NEDD9: variants seen among roughly 807,000 people sequenced by gnomAD.
The protein encoded by NEDD9 is enhancer of filamentation 1.
NEDD9 carries 26 observed loss-of-function variants against 76.6 expected under a neutral mutation model. The ratio of observed to expected loss-of-function variants is 0.34; its 90% confidence interval spans 0.25 to 0.47. NEDD9 has a LOEUF of 0.47. NEDD9 is among the 20% of genes least tolerant of loss of function. NEDD9 has a pLI of 1.00. For synonymous variants in NEDD9, 392 were observed against 414.2 expected (o/e 0.95, Z 0.65); for missense variants, 937 against 1,058.5 (o/e 0.89, Z 1.59).
In NEDD9 at chr6:11,190,150, G is replaced by A; in HGVS notation, c.1719C>T (p.Ile573=). 4 of 1,614,108 alleles carry A rather than the reference G, an allele frequency of 2.5e-6. No individual in the cohort carries two copies. The highest frequency in any genetic ancestry group is 3.4e-6 in the Non-Finnish European group (4 of 1,180,012). The change falls in exon 5 of 7, where the codon ATC becomes ATT. Residue 573 remains isoleucine (I), a synonymous_variant. Transcript: ENST00000379446. This position sits in a 1 kb window ranked among gnomAD's most constrained non-coding sequence, Gnocchi z 5.8. ...CGTGTGGGTACTCCGTTGAGTTCATGATGCTCTCCGGCCCATTCTTCAGAT... is the reference window on the plus strand; with the variant it reads ...CGTGTGGGTACTCCGTTGAGTTCATAATGCTCTCCGGCCCATTCTTCAGAT... The part of the protein sequence containing the change: ...SLHLKNGPES[I]MNSTEYPHGG...
At chr6:11,348,954 C>A (rs1762412720) in intron 1 of NEDD9, among the ~76,000 whole-genome samples, 1 of 152,104 alleles carries the variant, frequency 6.6e-6, no homozygotes, top group Non-Finnish European at 1.5e-5. Flanking sequence ...AGCTTCTGCA[C>A]AGCAAAAGAA....
intron 3 of NEDD9, among the ~76,000 whole-genome samples, chr6:11,264,199 G>A (rs1474582992): frequency 6.6e-6 from 1 of 152,238 alleles, no homozygotes; most frequent in Non-Finnish European, 1.5e-5. Context: ...AATGCAGATT[G>A]AGCCCAGGGG....
At chr6:11,233,204 G>C (rs1759533076), upstream of NEDD9, 2 of 518,736 alleles carry the variant, frequency 3.9e-6, no homozygotes, top group South Asian at 2.8e-5. Context: ...GTGTGTGTGT[G>C]ACTGTTTGCT....
chr6:11,284,249 T>C (rs1228700141), intron 3 of NEDD9, among the ~76,000 whole-genome samples: 1 of 152,014 alleles, frequency 6.6e-6, no homozygotes, highest in Non-Finnish European at 1.5e-5. Context: ...GGGTCAGGCC[T>C]TTTAAGAGCA....
In NEDD9 at chr6:11,213,302, A is replaced by C. The variant is rs781399856; in HGVS notation, c.438T>G (p.Ser146Arg). 26 of 1,606,768 alleles carry C rather than the reference A, an allele frequency of 1.6e-5. No homozygotes were observed. The highest frequency in any genetic ancestry group is 2.2e-5 in the Non-Finnish European group (26 of 1,174,126). ...TCACCTTTTTACCCACGTGGGGCCC[A>C]CTGGTTCCCCCAATGCTTCTCTGCA... ...PSVQRSIGGT[S>R]GPHVGKKVIT... Residue 146 changes from serine to arginine, a missense_variant, in exon 2 of 7, where the codon AGT becomes AGG. Coordinates refer to ENST00000379446, the MANE Select transcript of NEDD9 (RefSeq NM_006403.4). This position sits in a 1 kb window ranked among gnomAD's most constrained non-coding sequence, Gnocchi z 5.4.
chr6:11,189,471 G>A (rs540671188), intron 5 of NEDD9, among the ~76,000 whole-genome samples: 1 of 152,342 alleles, frequency 6.6e-6, no homozygotes, highest in South Asian at 2.1e-4. Context: ...ACAGAGTAGG[G>A]CTAGCAGGGG....
At chr6:11,308,233 T>C (rs935752648) in intron 2 of NEDD9, among the ~76,000 whole-genome samples, 1 of 152,024 alleles carries the variant, frequency 6.6e-6, no homozygotes. Flanking sequence ...TGGCTGGGTC[T>C]AGGGGTGGCT....
At chr6:11,279,609 G>C (rs1007988152) in intron 3 of NEDD9, among the ~76,000 whole-genome samples, 10 of 152,112 alleles carry the variant, frequency 6.6e-5, no homozygotes, top group Non-Finnish European at 1.5e-4. Flanking sequence ...GTTTCTCGTG[G>C]CTGGTCTTCT....
At chr6:11,332,594 T>A (rs962536315) in intron 2 of NEDD9, among the ~76,000 whole-genome samples, 1 of 152,208 alleles carries the variant, frequency 6.6e-6, no homozygotes, top group East Asian at 1.9e-4. Flanking sequence ...GCTCTTGAAT[T>A]AGATGCTCCT....
chr6:11,209,970 C>CTTTTGTTTTTTTTTTTT (rs1554125208), intron 2 of NEDD9, among the ~76,000 whole-genome samples: 1 of 131,072 alleles, frequency 7.6e-6, no homozygotes, highest in Non-Finnish European at 1.6e-5. Context: ...AATTCACTGT[C>CTTTTGTTTTTTTTTTTT]TTTTTTTTTT....
chr6:11,326,645 A>G (rs1761935522), intron 2 of NEDD9, among the ~76,000 whole-genome samples: 1 of 152,210 alleles, frequency 6.6e-6, no homozygotes, highest in Non-Finnish European at 1.5e-5. Flanking sequence ...TTTTTAAATC[A>G]TAAAAATTCA....
At chr6:11,267,383 GA>G (rs532016064) in intron 3 of NEDD9, among the ~76,000 whole-genome samples, 20,808 of 126,322 alleles carry the variant, frequency 0.16, 1,722 homozygotes, top group African/African-American at 0.27. Flanking sequence ...AGATGTCTTT[GA>G]AAAAAAAAAA....
chr6:11,331,323 T>G lies in NEDD9; in HGVS notation c.-153+3178A>C, dbSNP rs557291235. Among the ~76,000 whole-genome samples, 13 of 143,452 alleles carry G rather than the reference T, an allele frequency of 9.1e-5. No homozygotes were observed. The South Asian group carries it at 2.6e-3, about 29-fold the overall frequency. 94.1% of individuals were successfully genotyped at this position (143,452 alleles called of 152,430 possible). A position where few individuals can be genotyped will look rare whatever the true frequency, so the allele number is the denominator to read the frequency against. ...ATGTAGGGCTGAGAGAATAGATAGT[T>G]GTGAGCATTTACTCCTCCACAAATC... is the stretch of plus-strand genomic sequence containing the variant. On this transcript the variant is annotated intron_variant, in intron 2 of 3. Transcript: ENST00000397378.
chr6:11,279,327 C>T lies in NEDD9; in HGVS notation c.12+26665G>A, dbSNP rs118160547. Among the ~76,000 whole-genome samples the T allele has an allele frequency of 2.1e-3, 325 of 152,342 alleles. 5 individuals carry two copies. In the East Asian group the frequency reaches 0.047, roughly 22 times the overall value. On this transcript the variant is annotated intron_variant, in intron 3 of 3. Coordinates refer to the NEDD9 transcript ENST00000397378. Reference sequence around the variant, plus strand: ...AGTTCACTTGCTCCTGATTCATGCTCACAGATGACATTTTCATATTTCTTG... The same window carrying T: ...AGTTCACTTGCTCCTGATTCATGCTTACAGATGACATTTTCATATTTCTTG...
Position 11,185,088 on chromosome 6 carries a change from T to C in NEDD9, c.*74A>G. ...AAATATCTACAAAAATAGATAACAT[T>C]TACAAAAACCAGACAGTATTTCCAG... is the stretch of plus-strand genomic sequence containing the variant. On this transcript the variant is annotated 3_prime_UTR_variant, in exon 7 of 7. Coordinates refer to ENST00000379446, the MANE Select transcript of NEDD9 (RefSeq NM_006403.4). 6.8e-7 allele frequency: 1 copy of C among 1,472,910 alleles called. No individual in the cohort carries two copies. The allele number at this position is 1,472,910 out of a possible 1,614,324, so 91.2% of individuals were successfully genotyped here.
chr6:11,286,805 T>C (rs1760658136), intron 3 of NEDD9, among the ~76,000 whole-genome samples: 1 of 152,134 alleles, frequency 6.6e-6, no homozygotes. Context: ...AACGGTTGCC[T>C]AGGAATGGGG....
chr6:11,346,342 C>T (rs1762363213), intron 1 of NEDD9, among the ~76,000 whole-genome samples: 1 of 152,162 alleles, frequency 6.6e-6, no homozygotes, highest in African/African-American at 2.4e-5. Context: ...ATGATGGTGG[C>T]AGCCCTTAAC....
chr6:11,355,360 A>G (rs1470867140), intron 1 of NEDD9, among the ~76,000 whole-genome samples: 2 of 152,246 alleles, frequency 1.3e-5, no homozygotes, highest in African/African-American at 4.8e-5. Flanking sequence ...TTAAAAAAAA[A>G]TTAAAAACCA....
At chr6:11,298,696 T>C (rs1286477808) in intron 3 of NEDD9, among the ~76,000 whole-genome samples, 2 of 152,248 alleles carry the variant, frequency 1.3e-5, no homozygotes, top group East Asian at 1.9e-4. Context: ...ATTGAATGGA[T>C]TGAGAATTCA....
Sources: gnomAD v4.1 joint callset for allele counts (sites outside exome capture counted in the v4.1 genomes callset) on GRCh38, gnomAD v4.1.1 for gene constraint, Gnocchi (gnomAD v3.1) non-coding constraint, MANE v1.5 for transcripts, NCBI Gene and HGNC (gene_info 2026-07-23, HGNC 2026-07-21) for gene names.